Variants in DUSP12 observed in about 807,000 individuals in gnomAD.
The protein encoded by DUSP12 is dual specificity protein phosphatase 12.
In DUSP12, 25 loss-of-function variants were observed where a neutral mutation model predicts 38.9. That is an observed-to-expected ratio of 0.64 (90% CI 0.47 to 0.90). The LOEUF is 0.90. Among genes scored for constraint, DUSP12 ranks in the 40% least tolerant of loss-of-function variants. The pLI, the probability that DUSP12 is intolerant of heterozygous loss-of-function variation, is 0.00. For synonymous variants in DUSP12, 153 were observed against 153.9 expected (o/e 0.99, Z 0.05); for missense variants, 403 against 427.0 (o/e 0.94, Z 0.50).
chr1:161,750,798 G>A (rs1684007428), intron 1 of DUSP12, among the ~76,000 whole-genome samples: 1 of 152,106 alleles, frequency 6.6e-6, no homozygotes, highest in Admixed American at 6.5e-5. Context: ...GGTGGCTCTC[G>A]CCTGTAGTCC....
rs1683988748 is a variant in DUSP12 at position 161,749,994 on chromosome 1, A to G, written c.193A>G (p.Ser65Gly). 1.9e-6 allele frequency: 3 copies of G among 1,614,048 alleles called. No individual in the cohort carries two copies. The highest frequency in any genetic ancestry group is 2.7e-5 in the African/African-American group (2 of 75,062). ...GCTAACAGTGGACTCGGAGGAGCCC[A>G]GCTTCAAGGCGGGGCCTGGGGTCGA... ...AVLTVDSEEPSFKAGPGVEDL... is the reference protein window; with the variant it reads ...AVLTVDSEEPGFKAGPGVEDL... The change falls in exon 1 of 6, where the codon AGC becomes GGC. Residue 65 changes from serine to glycine, a missense_variant. Ser to Gly is a moderately conservative substitution (Grantham distance 56). Transcript: ENST00000367943.
rs1684124059 is a variant in DUSP12, at chr1:161,757,224, G to C, written c.*277G>C. On this transcript the variant is annotated 3_prime_UTR_variant, in exon 6 of 6. Transcript: ENST00000367943. ...TTGTTGGAATGTTATATGATCTTAA[G>C]GTCTGTATAGACAAAATTATGTACA... The C allele has an allele frequency of 4.5e-6, 1 of 221,758 alleles. No individual in the cohort carries two copies. The highest frequency in any genetic ancestry group is 1.3e-4 in the South Asian group (1 of 7,950). 13.7% of individuals were successfully genotyped at this position (221,758 alleles called of 1,614,324 possible).
chr1:161,757,010 C>A lies in DUSP12; in HGVS notation c.*63C>A, dbSNP rs989980630. The A allele has an allele frequency of 1.2e-5, 17 of 1,450,252 alleles. No homozygotes were observed. Among genetic ancestry groups the A allele is most frequent in the Admixed American group, 2.0e-5 (1 of 49,124 alleles). The allele number at this position is 1,450,252 out of a possible 1,614,324, so 89.8% of individuals were successfully genotyped here. ...GATATGTGCTGCCTTTGCTTCTTAT[C>A]ATTCATGGCAGATTGTTTGTGCTTT... On this transcript the variant is annotated 3_prime_UTR_variant, in exon 6 of 6. Transcript: ENST00000367943.
chr1:161,753,812 TTCTG>T (rs1375725518), intron 5 of DUSP12, among the ~76,000 whole-genome samples: 31 of 152,292 alleles, frequency 2.0e-4, no homozygotes, highest in Admixed American at 1.8e-3. Context: ...AGGTTAAAAA[TTCTG>T]TCTTTCTTTT....
intron 5 of DUSP12, among the ~76,000 whole-genome samples, chr1:161,754,867 G>C (rs1333415256): frequency 6.6e-6 from 1 of 151,978 alleles, no homozygotes; most frequent in African/African-American, 2.4e-5. Flanking sequence ...TTTCACTCTT[G>C]TTGCCCAGGC....
At position 161,749,863 on chromosome 1, in the gene DUSP12, T is replaced by A; in HGVS notation, c.62T>A (p.Val21Asp). 6.2e-7 allele frequency: 1 copy of A among 1,609,196 alleles called. No homozygotes were observed. Among genetic ancestry groups the A allele is most frequent in the African/African-American group, 1.3e-5 (1 of 74,862 alleles). ...CELSNPSASR[V>D]SCAGQMLEVQ... ...CTCAGCAACCCCAGCGCCAGCAGAGTCAGCTGTGCCGGGCAGATGCTGGAA... is the reference window on the plus strand; with the variant it reads ...CTCAGCAACCCCAGCGCCAGCAGAGACAGCTGTGCCGGGCAGATGCTGGAA... The change falls in exon 1 of 6, where the codon GTC (valine) becomes GAC (aspartate). Residue 21 changes from valine to aspartate, a missense_variant. Physicochemically the swap from Val to Asp is radical, Grantham distance 152. Coordinates refer to ENST00000367943, the MANE Select transcript of DUSP12 (RefSeq NM_007240.3).
At chr1:161,752,284 T>G (rs1684034534) in intron 3 of DUSP12, 84 bp from the exon 4 acceptor site, 1 of 997,960 alleles carries the variant, frequency 1.0e-6, no homozygotes, top group African/African-American at 1.6e-5. Context: ...TAGCACTTGT[T>G]GCCTCAATTT....
intron 1 of DUSP12, 54 bp downstream of exon 1, chr1:161,750,199 C>T (rs1683993684): frequency 6.4e-6 from 10 of 1,567,046 alleles, no homozygotes; most frequent in Non-Finnish European, 8.6e-6. Flanking sequence ...AGCCGGCCCC[C>T]GTCGCCCCTT....
Position 161,750,140 on chromosome 1 carries a change from G to T in DUSP12, c.339G>T (p.Val113=). 6.2e-7 allele frequency: 1 copy of T among 1,611,310 alleles called. No individual in the cohort carries two copies. Among genetic ancestry groups the T allele is most frequent in the Non-Finnish European group, 8.5e-7 (1 of 1,179,172 alleles). Reference sequence around the variant, plus strand: ...GCGCTGAGGGCCGTGCGGTGTTGGTGCACTGGTGAGTGGCCGGGTCAGTGG... The same window carrying T: ...GCGCTGAGGGCCGTGCGGTGTTGGTTCACTGGTGAGTGGCCGGGTCAGTGG... ...QARAEGRAVL[V]HCHAGVSRSV... Residue 113 remains valine, a synonymous_variant, in exon 1 of 6, where the codon GTG becomes GTT. Transcript: ENST00000367943.
intron 4 of DUSP12, among the ~76,000 whole-genome samples, chr1:161,752,718 A>G (rs1041365585): frequency 1.4e-4 from 22 of 152,302 alleles, no homozygotes; most frequent in African/African-American, 5.3e-4. Context: ...TGCTGGGCGC[A>G]GTGGCTCACG....
Position 161,749,973 on chromosome 1 carries a change from A to C in DUSP12, c.172A>C (p.Thr58Pro). The C allele has an allele frequency of 6.2e-7, 1 of 1,614,046 alleles. No individual in the cohort carries two copies. Among genetic ancestry groups the C allele is most frequent in the Non-Finnish European group, 8.5e-7 (1 of 1,179,942 alleles). Residue 58 changes from threonine (T) to proline (P), a missense_variant, in exon 1 of 6, where the codon ACA (threonine) becomes CCA (proline). By Grantham distance (38) the Thr-to-Pro change is conservative. Coordinates refer to ENST00000367943, the MANE Select transcript of DUSP12 (RefSeq NM_007240.3). ...GGAAGCGGGCATCACGGCCGTGCTA[A>C]CAGTGGACTCGGAGGAGCCCAGCTT... ...LREAGITAVL[T>P]VDSEEPSFKA...
Position 161,756,989 on chromosome 1 carries a change from T to C in DUSP12, c.*42T>C. On this transcript the variant is annotated 3_prime_UTR_variant, in exon 6 of 6. Transcript: ENST00000367943. ...CTTGGGAAGAAACTTGCAGATGATA[T>C]GTGCTGCCTTTGCTTCTTATCATTC... is the stretch of plus-strand genomic sequence containing the variant. 1 of 1,565,262 alleles carries C rather than the reference T, an allele frequency of 6.4e-7. No homozygotes were observed. Among genetic ancestry groups the C allele is most frequent in the Non-Finnish European group, 8.7e-7 (1 of 1,147,342 alleles).
chr1:161,752,261 TA>T, intron 3 of DUSP12, 106 bp from the exon 4 acceptor site: 2 of 833,908 alleles, frequency 2.4e-6, no homozygotes, highest in Admixed American at 2.4e-5. Context: ...TTTTTTTTTT[TA>T]ATTTTTGAGG....
Position 161,756,945 on chromosome 1 carries a change from T to C in DUSP12, c.1021T>C (p.Ter341ArgextTer2). The C allele has an allele frequency of 1.9e-6, 3 of 1,611,764 alleles. No individual in the cohort carries two copies. Among genetic ancestry groups the C allele is most frequent in the Non-Finnish European group, 2.5e-6 (3 of 1,178,354 alleles). ...TTTGGGATCACAAACAGGAAAAATATGAACATGATATTTTATAGCTTGGGA... is the reference window on the plus strand; with the variant it reads ...TTTGGGATCACAAACAGGAAAAATACGAACATGATATTTTATAGCTTGGGA... ...PVLGSQTGKI[*>R] is the part of the protein sequence containing the mutation. The change falls in exon 6 of 6, where the codon TGA becomes CGA. Residue 341 changes from the stop codon to arginine (R), a stop_lost. Coordinates refer to ENST00000367943, the MANE Select transcript of DUSP12 (RefSeq NM_007240.3).
chr1:161,751,470 G>C, intron 1 of DUSP12, 198 bp from the exon 2 acceptor site: 3 of 606,660 alleles, frequency 4.9e-6, no homozygotes. Flanking sequence ...ATAGGTAATA[G>C]ATTCACGTGG....
Position 161,751,879 on chromosome 1 carries a change from T to C in DUSP12, c.472T>C (p.Phe158Leu), listed in dbSNP as rs1419435112. 1 of 1,612,582 alleles carries C rather than the reference T, an allele frequency of 6.2e-7. No homozygotes were observed. Among genetic ancestry groups the C allele is most frequent in the African/African-American group, 1.3e-5 (1 of 74,866 alleles). The change falls in exon 3 of 6, where the codon TTT becomes CTT. Residue 158 changes from phenylalanine (F) to leucine (L), a missense_variant. Transcript: ENST00000367943. The stretch of plus-strand genomic sequence containing the variant: ...TTATCATTACAGGATGAATGAGGGG[T>C]TTGAGTGGCAACTGAAATTATACCA... Reference protein sequence around the residue: ...LKPEAKMNEGFEWQLKLYQAM... With the variant: ...LKPEAKMNEGLEWQLKLYQAM...
intron 5 of DUSP12, 142 bp downstream of exon 5, chr1:161,753,403 A>C (rs1027871943): frequency 6.1e-6 from 4 of 658,048 alleles, no homozygotes; most frequent in African/African-American, 1.9e-5. Context: ...TCTAGTGTAG[A>C]TAAGACTATC....
At chr1:161,752,536 C>G in intron 4 of DUSP12, 72 bp downstream of exon 4, 1 of 1,026,712 alleles carries the variant, frequency 9.7e-7, no homozygotes. Context: ...GTTTTATTTT[C>G]TTAAATTTCT....
intron 3 of DUSP12, among the ~76,000 whole-genome samples, 159 bp from the exon 4 acceptor site, chr1:161,752,209 C>T (rs982305473): frequency 1.3e-5 from 2 of 151,758 alleles, no homozygotes; most frequent in Non-Finnish European, 2.9e-5. Context: ...TCACTGTCCT[C>T]TCCTACCTTA....
Sources: allele counts gnomAD v4.1 joint callset (sites outside exome capture counted in the v4.1 genomes callset), GRCh38; gene constraint gnomAD v4.1.1; transcripts MANE v1.5; gene names NCBI Gene and HGNC (gene_info 2026-07-23, HGNC 2026-07-21).